The following HDAC4 variants were observed in gnomAD, a reference collection of about 807,000 sequenced individuals.
HDAC4 encodes histone deacetylase A.
Under a neutral mutation model 135.1 loss-of-function variants are expected in HDAC4, and 16 were observed. That is an observed-to-expected ratio of 0.12 (90% CI 0.08 to 0.18). The LOEUF (loss-of-function observed/expected upper bound fraction) is 0.18. Among genes scored for constraint, HDAC4 ranks in the 10% least tolerant of loss-of-function variants. The pLI, the probability that HDAC4 is intolerant of heterozygous loss-of-function variation, is 1.00. For synonymous variants in HDAC4, 685 were observed against 653.4 expected, an observed-to-expected ratio of 1.05 and a Z score of -0.74; for missense variants, 1,143 against 1,511.8, an observed-to-expected ratio of 0.76 and a Z score of 4.05.
At chr2:239,075,949 G>A (rs902104314) in intron 22 of HDAC4, among the ~76,000 whole-genome samples, 34 of 150,264 alleles carry the variant, frequency 2.3e-4, no homozygotes, top group Middle Eastern at 3.6e-3. Context: ...GACAGCAGGC[G>A]GGTGCCAGCC....
chr2:239,154,668 C>G (rs74877923), intron 7 of HDAC4: 1 of 152,016 alleles, frequency 6.6e-6, no homozygotes, highest in African/African-American at 2.4e-5. Context: ...GCATCAGTCC[C>G]CAGAAAGGGA....
At chr2:239,057,669 C>T (rs1342867433) in intron 24 of HDAC4, among the ~76,000 whole-genome samples, 1 of 152,194 alleles carries the variant, frequency 6.6e-6, no homozygotes, top group African/African-American at 2.4e-5. Flanking sequence ...GTGAAACTAT[C>T]ATCCAAGAAC....
chr2:239,377,468 C>T (rs899359496), intron 1 of HDAC4, among the ~76,000 whole-genome samples: 7 of 152,238 alleles, frequency 4.6e-5, no homozygotes, highest in Non-Finnish European at 8.8e-5. Context: ...ACCAATGGGC[C>T]TCTCTGGACC....
chr2:239,239,760 T>C (rs2048072285), intron 2 of HDAC4, among the ~76,000 whole-genome samples: 1 of 152,142 alleles, frequency 6.6e-6, no homozygotes, highest in Non-Finnish European at 1.5e-5. Flanking sequence ...TAGAATGACA[T>C]GGAAATGCTC....
At chr2:239,310,135 G>A (rs1055259078) in intron 2 of HDAC4, among the ~76,000 whole-genome samples, 11 of 152,250 alleles carry the variant, frequency 7.2e-5, no homozygotes, top group African/African-American at 9.6e-5. Flanking sequence ...GGAATGGTCC[G>A]TGGCAGTCAT....
intron 24 of HDAC4, among the ~76,000 whole-genome samples, chr2:239,064,123 G>C (rs567129394): frequency 1.3e-5 from 2 of 152,082 alleles, no homozygotes; most frequent in Admixed American, 6.5e-5. Flanking sequence ...CACAGCTGAC[G>C]CGCACCGCCC....
chr2:239,178,054 G>A (rs956602051), intron 4 of HDAC4, among the ~76,000 whole-genome samples: 34 of 152,286 alleles, frequency 2.2e-4, no homozygotes, highest in Admixed American at 2.0e-4. Flanking sequence ...GCTCTCGTTC[G>A]CATGCTCCAG....
At chr2:239,382,723 CTTTT>C (rs1167732509) in intron 1 of HDAC4, among the ~76,000 whole-genome samples, 2 of 101,264 alleles carry the variant, frequency 2.0e-5, no homozygotes, top group Middle Eastern at 4.8e-3. Context: ...CTTACACTTT[CTTTT>C]TCTTTTTTTT....
intron 2 of HDAC4, among the ~76,000 whole-genome samples, chr2:239,305,862 C>T (rs888613097): frequency 2.0e-5 from 3 of 152,354 alleles, no homozygotes; most frequent in Admixed American, 6.5e-5. Flanking sequence ...TCCCTAAACA[C>T]GACTGGGAAC....
intron 1 of HDAC4, among the ~76,000 whole-genome samples, chr2:239,374,625 G>A (rs1325023781): frequency 1.3e-5 from 2 of 151,338 alleles, no homozygotes; most frequent in Non-Finnish European, 1.5e-5. Context: ...GGATGGTCTC[G>A]ATCTCCTGAC....
intron 24 of HDAC4, chr2:239,055,113 C>T (rs932417950): frequency 1.5e-5 from 6 of 389,082 alleles, no homozygotes; most frequent in East Asian, 5.6e-5. Flanking sequence ...GGCACCTGCA[C>T]GTGAACTTGG....
At chr2:239,270,641 T>C (rs1358050301) in intron 2 of HDAC4, among the ~76,000 whole-genome samples, 1 of 152,236 alleles carries the variant, frequency 6.6e-6, no homozygotes, top group Non-Finnish European at 1.5e-5. Flanking sequence ...AACAAAGATG[T>C]GCTACTTGCA....
rs1244100323 is a variant in HDAC4 at position 239,066,715 on chromosome 2, T to A, written c.3003+7A>T. ...AGCATCCTGTGGGGTCTCTGGGGTC[T>A]TCCTACCTCGTTTCCCAGCAAGGCA... On this transcript the variant is annotated splice_region_variant and intron_variant, in intron 24 of 26. Transcript: ENST00000543185. The A allele has an allele frequency of 1.9e-6, 3 of 1,613,726 alleles. No homozygotes were observed. In the Admixed American group the frequency reaches 5.0e-5, roughly 27 times the overall value.
intron 1 of HDAC4, among the ~76,000 whole-genome samples, chr2:239,379,661 C>T (rs537801451): frequency 6.6e-6 from 1 of 152,298 alleles, no homozygotes; most frequent in South Asian, 2.1e-4. Context: ...ACCCTATCTT[C>T]AGAGCCAGCC....
intron 2 of HDAC4, among the ~76,000 whole-genome samples, chr2:239,321,996 T>G (rs1659315437): frequency 6.6e-6 from 1 of 152,184 alleles, no homozygotes; most frequent in South Asian, 2.1e-4. Flanking sequence ...GGAAGTACAC[T>G]CCACAGAGCA....
chr2:239,338,024 C>G (rs373865719), intron 2 of HDAC4, among the ~76,000 whole-genome samples: 3 of 152,248 alleles, frequency 2.0e-5, no homozygotes, highest in African/African-American at 7.2e-5. Flanking sequence ...CCCAGCACAC[C>G]GAAAGCCAGG....
intron 2 of HDAC4, among the ~76,000 whole-genome samples, chr2:239,277,990 C>CCCGGCCACACACCCCAGCCACACACT (rs2050478023): frequency 6.8e-6 from 1 of 147,526 alleles, no homozygotes; most frequent in Non-Finnish European, 1.5e-5. Flanking sequence ...AGCCACACAC[C>CCCGGCCACACACCCCAGCCACACACT]CCAGCCACAC....
At chr2:239,192,662 T>C (rs565268946) in intron 3 of HDAC4, among the ~76,000 whole-genome samples, 2 of 152,308 alleles carry the variant, frequency 1.3e-5, no homozygotes, top group South Asian at 4.2e-4. Flanking sequence ...CGTGAATGAC[T>C]GTCAGGTTGC....
chr2:239,104,878 C>T (rs2037980395), intron 15 of HDAC4, among the ~76,000 whole-genome samples: 1 of 152,238 alleles, frequency 6.6e-6, no homozygotes, highest in Admixed American at 6.5e-5. Context: ...GTAGAAAAAC[C>T]CTCTCCTTAC....
Sources: gnomAD v4.1 joint callset for allele counts (sites outside exome capture counted in the v4.1 genomes callset) on GRCh38, gnomAD v4.1.1 for gene constraint, MANE v1.5 for transcripts, NCBI Gene and HGNC (gene_info 2026-07-23, HGNC 2026-07-21) for gene names.